The following GRIN2A variants were observed in gnomAD, a reference collection of about 807,000 sequenced individuals.
GRIN2A encodes the protein glutamate ionotropic receptor NMDA type subunit 2A, also known as glutamate receptor ionotropic, NMDA 2A.
Under a neutral mutation model 113.4 loss-of-function variants are expected in GRIN2A, and 22 were observed. The ratio of observed to expected loss-of-function variants is 0.19; its 90% CI spans 0.14 to 0.28. GRIN2A has a LOEUF of 0.28. GRIN2A is among the 10% of genes least tolerant of loss of function. The pLI is 1.00. For missense variants in GRIN2A, 1,502 were observed against 1,887.0 expected, an observed-to-expected ratio of 0.80 and a Z score of 3.78; for synonymous variants, 827 against 738.4, an observed-to-expected ratio of 1.12 and a Z score of -1.94.
At position 9,932,723 on chromosome 16, in the gene GRIN2A, C is replaced by A. The variant is rs531975638; in HGVS notation, c.1007+5236G>T. Among the ~76,000 whole-genome samples, 15 of 152,250 alleles carry A rather than the reference C, an allele frequency of 9.9e-5. No individual in the cohort carries two copies. The East Asian group carries it at 2.9e-3, about 29-fold the overall frequency. ...TACAAGTTTCATCCATAGTAGTAAC[C>A]ATTTACAGACTGCTTTTCCATACGC... On this transcript the variant is annotated intron_variant, in intron 3 of 12. Coordinates refer to ENST00000330684, the MANE Select transcript of GRIN2A (RefSeq NM_001134407.3).
chr16:9,784,529 G>T (rs570902379), intron 11 of GRIN2A, among the ~76,000 whole-genome samples: 1 of 151,290 alleles, frequency 6.6e-6, no homozygotes, highest in Non-Finnish European at 1.5e-5. Flanking sequence ...CATAGGCATG[G>T]GCAAGGACTT....
At chr16:10,143,792 C>G (rs886661089) in intron 2 of GRIN2A, among the ~76,000 whole-genome samples, 1 of 151,982 alleles carries the variant, frequency 6.6e-6, no homozygotes, top group Non-Finnish European at 1.5e-5. Flanking sequence ...TGGTGAAACC[C>G]CATCTCTACT....
intron 2 of GRIN2A, among the ~76,000 whole-genome samples, chr16:10,106,565 G>A (rs545947120): frequency 2.0e-5 from 3 of 152,198 alleles, no homozygotes; most frequent in South Asian, 2.1e-4. Flanking sequence ...GATAGGGAGC[G>A]TGACTAGTTT....
chr16:9,888,441 A>G (rs1284635842), intron 4 of GRIN2A, among the ~76,000 whole-genome samples: 1 of 151,684 alleles, frequency 6.6e-6, no homozygotes, highest in Non-Finnish European at 1.5e-5. Flanking sequence ...TCAGGTAATT[A>G]TGTGTGCATG....
At chr16:9,864,499 G>A (rs1288367415) in intron 4 of GRIN2A, among the ~76,000 whole-genome samples, 1 of 152,092 alleles carries the variant, frequency 6.6e-6, no homozygotes, top group Non-Finnish European at 1.5e-5. Flanking sequence ...GTTTATAAAA[G>A]GAGATAAGTT....
At chr16:9,903,135 A>AT (rs1177765606) in intron 3 of GRIN2A, among the ~76,000 whole-genome samples, 8 of 151,368 alleles carry the variant, frequency 5.3e-5, no homozygotes, top group African/African-American at 1.7e-4. Context: ...TGCCCAGCTA[A>AT]TTTTTTTGTA....
intron 3 of GRIN2A, among the ~76,000 whole-genome samples, chr16:9,926,575 T>C (rs540105567): frequency 6.6e-6 from 1 of 152,344 alleles, no homozygotes; most frequent in Non-Finnish European, 1.5e-5. Context: ...CTCATTCTAA[T>C]ATCTGCCAAT....
rs1207106103 is a variant in GRIN2A at position 10,150,356 on chromosome 16, G to C, written c.414+29642C>G. Among the ~76,000 whole-genome samples the C allele has an allele frequency of 2.0e-5, 3 of 152,150 alleles. No individual in the cohort carries two copies. The East Asian group carries it at 5.8e-4, about 29-fold the overall frequency. On this transcript the variant is annotated intron_variant, in intron 2 of 12. Transcript: ENST00000330684. ...TAGGAAATAGCAGTGGGTTTTATAA[G>C]GTGGGAACAAGGGCTTCAGGTTATT...
rs539308725 is a variant in GRIN2A, at chr16:9,945,264, A to G, written c.415-6713T>C. Among the ~76,000 whole-genome samples, 9 of 152,260 alleles carry G rather than the reference A, an allele frequency of 5.9e-5. No homozygotes were observed. In the South Asian group the frequency reaches 1.7e-3, roughly 28 times the overall value. ...GAGGAGCCCCACTCTAGGTCATCTG[A>G]TCTGCTACATTGGAGCTGATCAAAA... On this transcript the variant is annotated intron_variant, in intron 2 of 12. Transcript: ENST00000330684.
At chr16:9,897,717 G>A (rs532683658) in intron 3 of GRIN2A, among the ~76,000 whole-genome samples, 17 of 152,084 alleles carry the variant, frequency 1.1e-4, no homozygotes, top group African/African-American at 3.9e-4. Flanking sequence ...CTTTTTTAAT[G>A]GGCTACCAGA....
intron 2 of GRIN2A, among the ~76,000 whole-genome samples, chr16:10,099,723 C>T (rs79278022): frequency 0.2 from 29,821 of 152,214 alleles, 3,639 homozygotes; most frequent in East Asian, 0.44. Flanking sequence ...TCAAATGCTA[C>T]TTCCTAGAAG....
At chr16:10,081,106 G>A (rs565845879) in intron 2 of GRIN2A, among the ~76,000 whole-genome samples, 11 of 152,262 alleles carry the variant, frequency 7.2e-5, no homozygotes, top group East Asian at 3.9e-4. Context: ...GTCAAATGTC[G>A]TTAATATAAA....
At chr16:10,078,664 CAACCTCGAGGCTGGGA>C (rs2047922525) in intron 2 of GRIN2A, among the ~76,000 whole-genome samples, 1 of 152,192 alleles carries the variant, frequency 6.6e-6, no homozygotes, top group African/African-American at 2.4e-5. Flanking sequence ...CCCTGCGAGG[CAACCTCGAGGCTGGGA>C]ATCTCCTCCT....
At chr16:9,786,031 C>G (rs921314789) in intron 11 of GRIN2A, among the ~76,000 whole-genome samples, 2 of 152,210 alleles carry the variant, frequency 1.3e-5, no homozygotes, top group Non-Finnish European at 2.9e-5. Context: ...TTCTTCCTAA[C>G]TTGATTAGAA....
intron 5 of GRIN2A, among the ~76,000 whole-genome samples, 158 bp from the exon 6 acceptor site, chr16:9,841,262 G>C (rs1197309945): frequency 2.6e-5 from 4 of 152,178 alleles, no homozygotes. Context: ...GACAGCAAAA[G>C]CAGAAAGTGT....
intron 2 of GRIN2A, among the ~76,000 whole-genome samples, chr16:10,039,760 G>A (rs1225957530): frequency 7.2e-6 from 1 of 139,696 alleles, no homozygotes; most frequent in Non-Finnish European, 1.6e-5. Flanking sequence ...GAGCAAATGT[G>A]CAAGGGAGGG....
chr16:10,024,581 G>C lies in GRIN2A; in HGVS notation c.415-86030C>G, dbSNP rs148135442. ...CTCAGCTAAACTATGTCATTACCAC[G>C]TCTTCTCTGTCTCCCATTGCCGCTT... On this transcript the variant is annotated intron_variant, in intron 2 of 12. Coordinates refer to ENST00000330684, the MANE Select transcript of GRIN2A (RefSeq NM_001134407.3). Among the ~76,000 whole-genome samples the C allele has an allele frequency of 1.5e-3, 229 of 152,284 alleles. 3 individuals carry two copies. The highest frequency in any genetic ancestry group is 5.4e-3 in the African/African-American group (224 of 41,542).
intron 2 of GRIN2A, among the ~76,000 whole-genome samples, chr16:10,095,297 C>T (rs748321143): frequency 1.3e-5 from 2 of 152,102 alleles, no homozygotes; most frequent in African/African-American, 4.8e-5. Context: ...GTCATGGAAG[C>T]CTGAGCTCAC....
intron 2 of GRIN2A, among the ~76,000 whole-genome samples, chr16:10,141,109 G>A (rs1326503749): frequency 2.0e-5 from 3 of 152,120 alleles, no homozygotes; most frequent in East Asian, 3.9e-4. Context: ...TGGGAGGATC[G>A]CTTGAACCCC....
Sources: gnomAD v4.1 joint callset for allele counts (sites outside exome capture counted in the v4.1 genomes callset) on GRCh38, gnomAD v4.1.1 for gene constraint, MANE v1.5 for transcripts, NCBI Gene and HGNC (gene_info 2026-07-23, HGNC 2026-07-21) for gene names.